Variants in SPTB observed in about 807,000 individuals in gnomAD.
SPTB encodes spectrin beta chain, erythrocytic.
In SPTB, 45 loss-of-function variants were observed where a neutral mutation model predicts 256.2. That is an observed-to-expected ratio of 0.18 (90% CI 0.14 to 0.23). The LOEUF (loss-of-function observed/expected upper bound fraction) is 0.23, where lower values mean the gene tolerates loss of function less well. SPTB is among the 10% of genes least tolerant of loss of function. The pLI, the probability that SPTB is intolerant of heterozygous loss-of-function variation, is 1.00. For missense variants in SPTB, 2,715 were observed against 3,040.4 expected (o/e 0.89, Z 2.52); for synonymous variants, 1,231 against 1,243.1 (o/e 0.99, Z 0.21).
In SPTB at chr14:64,769,724, C is replaced by T. The variant is rs754243214; in HGVS notation, c.5803G>A (p.Val1935Ile). ...TTCATGAGCAGTTCCACAGAGGAGA[C>T]ATCCCTGGGGGACAGGAGGACAAGG... Reference protein sequence around the residue: ...QIETQERPRDVSSVELLMKYH... With the variant: ...QIETQERPRDISSVELLMKYH... Residue 1935 changes from valine (V) to isoleucine (I), a missense_variant, in exon 28 of 36, where the codon GTC becomes ATC. Physicochemically the swap from Val to Ile is conservative, Grantham distance 29 (BLOSUM62 3). Transcript: ENST00000644917. 9.3e-6 allele frequency: 15 copies of T among 1,614,094 alleles called. No homozygotes were observed. Among genetic ancestry groups the T allele is most frequent in the African/African-American group, 1.3e-5 (1 of 74,938 alleles).
At position 64,786,819 on chromosome 14, in the gene SPTB, G is replaced by A; in HGVS notation, c.3146C>T (p.Ser1049Phe). The A allele has an allele frequency of 1.2e-6, 2 of 1,613,938 alleles. No homozygotes were observed. The highest frequency in any genetic ancestry group is 2.2e-5 in the South Asian group (2 of 91,084). ...LEELWQGLQQ[S>F]LQGQEDLLGE... ...CAGCAAGTCCTCCTGGCCCTGCAGGGATTGCTGCAGGCCCTGCCACAGCTC... is the reference window on the plus strand; with the variant it reads ...CAGCAAGTCCTCCTGGCCCTGCAGGAATTGCTGCAGGCCCTGCCACAGCTC... The change falls in exon 16 of 36, where the codon TCC (serine) becomes TTC (phenylalanine). Residue 1049 changes from serine to phenylalanine, a missense_variant. This residue lies in a region of SPTB where 2,239 missense variants were observed against 2,384.4 expected (regional missense o/e 0.94). Transcript: ENST00000644917. The surrounding 1 kb of genome is among the most constrained non-coding windows in gnomAD (Gnocchi z 5.6).
rs2082560035 is a variant in SPTB at position 64,786,025 on chromosome 14, C to A, written c.3562-74G>T. ...GATGAGCACACCTCCCAAGTGGGAG[C>A]ACCACGTGCAGCCACACAGGCCACG... is the stretch of plus-strand genomic sequence containing the variant. On this transcript the variant is annotated intron_variant, in intron 16 of 35. Transcript: ENST00000644917. This position sits in a 1 kb window ranked among gnomAD's most constrained non-coding sequence, Gnocchi z 5.6. 1 of 1,492,092 alleles carries A rather than the reference C, an allele frequency of 6.7e-7. No homozygotes were observed. Among genetic ancestry groups the A allele is most frequent in the Non-Finnish European group, 9.3e-7 (1 of 1,077,896 alleles). The allele number at this position is 1,492,092 out of a possible 1,614,324, so 92.4% of individuals were successfully genotyped here.
rs865875005 is a variant in SPTB, at chr14:64,777,940, C to T, written c.4563+1217G>A. 3.3e-5 allele frequency among the ~76,000 whole-genome samples: 5 copies of T among 152,094 alleles called. No individual in the cohort carries two copies. In the South Asian group the frequency reaches 8.3e-4, roughly 25 times the overall value. ...GCCAGGGGAGTTAAAAACCTTTGAA[C>T]AATAACACTTACAGAGGCTGCATAG... On this transcript the variant is annotated intron_variant, in intron 22 of 35. Transcript: ENST00000644917. The surrounding 1 kb of genome is among the most constrained non-coding windows in gnomAD (Gnocchi z 4.5).
rs754260970 is a variant in SPTB at position 64,779,803 on chromosome 14, T to G, written c.4395A>C (p.Glu1465Asp). The G allele has an allele frequency of 6.2e-7, 1 of 1,613,922 alleles. No homozygotes were observed. Among genetic ancestry groups the G allele is most frequent in the Non-Finnish European group, 8.5e-7 (1 of 1,179,966 alleles). The change falls in exon 21 of 36, where the codon GAA (glutamate) becomes GAC (aspartate). Residue 1465 changes from glutamate (E) to aspartate (D), a missense_variant. By Grantham distance (45) the Glu-to-Asp change is conservative. Transcript: ENST00000644917. This position sits in a 1 kb window ranked among gnomAD's most constrained non-coding sequence, Gnocchi z 4.2. ...SIEKRFLDLL[E>D]PLGRRKKQLE... is the part of the protein sequence containing the mutation. ...GCTGCTTCTTCCTCCTTCCTAGGGG[T>G]TCCAGGAGGTCCAGGAACCGCTTCT... is the stretch of plus-strand genomic sequence containing the variant.
At chr14:64,804,881 GC>G in intron 3 of SPTB, 57 bp downstream of exon 3, 4 of 1,608,938 alleles carry the variant, frequency 2.5e-6, no homozygotes, top group Non-Finnish European at 3.4e-6. Context: ...CCCAAACCAT[GC>G]CTTTGCTGAA....
chr14:64,814,365 A>G (rs1212491065), intron 2 of SPTB, among the ~76,000 whole-genome samples: 5 of 152,236 alleles, frequency 3.3e-5, no homozygotes, highest in Non-Finnish European at 5.9e-5. Flanking sequence ...AGACCTATAC[A>G]GTCATACATC....
chr14:64,769,904 G>A (rs2082253114), intron 27 of SPTB, among the ~76,000 whole-genome samples, 176 bp from the exon 28 acceptor site: 1 of 152,206 alleles, frequency 6.6e-6, no homozygotes, highest in African/African-American at 2.4e-5. Flanking sequence ...GAACACAGAT[G>A]CCCTGGTATC....
rs2139426909 is a variant in SPTB at position 64,752,111 on chromosome 14, C to T, written c.6602+1426G>A. Reference sequence around the variant, plus strand: ...TCTGTCTAAACAAAACAAAACAAAACAAAACACAAAAAAAGACAAATAGGG... The same window carrying T: ...TCTGTCTAAACAAAACAAAACAAAATAAAACACAAAAAAAGACAAATAGGG... On this transcript the variant is annotated intron_variant, in intron 33 of 35. Transcript: ENST00000644917. 1.5e-5 allele frequency: 18 copies of T among 1,189,990 alleles called. 1 individual carries two copies. In the South Asian group the frequency reaches 2.4e-4, roughly 16 times the overall value. The allele number at this position is 1,189,990 out of a possible 1,614,324, so 73.7% of individuals were successfully genotyped here.
rs1486851636 is a variant in SPTB at position 64,824,544 on chromosome 14, G to A, written c.-51-1399C>T. The stretch of plus-strand genomic sequence containing the variant: ...GGACTCCAAGATCAAGTCTGTAAGA[G>A]AATAGGGGACCCAGAGCCTTCACAA... On this transcript the variant is annotated intron_variant, in intron 1 of 35. Transcript: ENST00000644917. This position sits in a 1 kb window ranked among gnomAD's most constrained non-coding sequence, Gnocchi z 5.7. Among the ~76,000 whole-genome samples the A allele has an allele frequency of 6.6e-6, 1 of 152,158 alleles. No homozygotes were observed. Among genetic ancestry groups the A allele is most frequent in the Non-Finnish European group, 1.5e-5 (1 of 68,024 alleles).
At chr14:64,754,008 A>G in intron 32 of SPTB, 1 of 654,092 alleles carries the variant, frequency 1.5e-6, no homozygotes, top group Non-Finnish European at 2.7e-6. Flanking sequence ...CTCCATTTCC[A>G]CCCCATTCTC....
intron 3 of SPTB, among the ~76,000 whole-genome samples, chr14:64,804,461 C>G (rs1280368532): frequency 6.6e-6 from 1 of 152,212 alleles, no homozygotes; most frequent in African/African-American, 2.4e-5. Context: ...TTACTCTGGG[C>G]TGAGCAAAAC....
chr14:64,763,201 G>C (rs766163946), intron 32 of SPTB, among the ~76,000 whole-genome samples: 1 of 152,218 alleles, frequency 6.6e-6, no homozygotes, highest in Non-Finnish European at 1.5e-5. Flanking sequence ...GGAGGTGGGG[G>C]ATGCTCAGCA....
chr14:64,840,439 C>G (rs187556660), intron 1 of SPTB, among the ~76,000 whole-genome samples: 2 of 152,290 alleles, frequency 1.3e-5, no homozygotes, highest in Admixed American at 1.3e-4. Flanking sequence ...TTTATAAATA[C>G]TAAAAAAGCA....
chr14:64,872,413 A>G (rs548672567), intron 1 of SPTB, among the ~76,000 whole-genome samples: 2 of 152,250 alleles, frequency 1.3e-5, no homozygotes, highest in South Asian at 4.2e-4. Context: ...CCCACAATCA[A>G]TCCTCCTTAG....
At chr14:64,818,312 G>C (rs1446141401) in intron 2 of SPTB, among the ~76,000 whole-genome samples, 1 of 152,238 alleles carries the variant, frequency 6.6e-6, no homozygotes, top group Non-Finnish European at 1.5e-5. Context: ...ACTGCGAGAT[G>C]CCTCTGTGAG....
chr14:64,811,261 CAA>C (rs2083084541), intron 2 of SPTB, among the ~76,000 whole-genome samples: 1 of 152,074 alleles, frequency 6.6e-6, no homozygotes, highest in Non-Finnish European at 1.5e-5. Flanking sequence ...GTAATGTGAA[CAA>C]AGAGTTAACA....
intron 32 of SPTB, among the ~76,000 whole-genome samples, chr14:64,757,847 T>C (rs2082037112): frequency 6.6e-6 from 1 of 152,190 alleles, no homozygotes; most frequent in Non-Finnish European, 1.5e-5. Context: ...TAGAAGGCCC[T>C]GTGAGCAGAG....
rs2082393765 is a variant in SPTB, at chr14:64,778,109, T to G, written c.4563+1048A>C. ...TAACTGAGGCTAGATTTCTATCATC[T>G]TCTAGCCCAGGTCCCTGCGTGTGGC... On this transcript the variant is annotated intron_variant, in intron 22 of 35. Coordinates refer to ENST00000644917, the MANE Select transcript of SPTB (RefSeq NM_001355436.2). The surrounding 1 kb of genome is among the most constrained non-coding windows in gnomAD (Gnocchi z 5.2). Among the ~76,000 whole-genome samples the G allele has an allele frequency of 6.6e-6, 1 of 152,228 alleles. No homozygotes were observed. The highest frequency in any genetic ancestry group is 2.4e-5 in the African/African-American group (1 of 41,462).
intron 2 of SPTB, among the ~76,000 whole-genome samples, chr14:64,813,519 T>C (rs1305341041): frequency 1.3e-5 from 2 of 151,272 alleles, no homozygotes; most frequent in South Asian, 2.1e-4. Flanking sequence ...GTTGTTGTTG[T>C]TTTCTGTTTG....
Sources: allele counts gnomAD v4.1 joint callset (sites outside exome capture counted in the v4.1 genomes callset), GRCh38; gene constraint gnomAD v4.1.1; regional missense constraint gnomAD v4.1.1; non-coding constraint Gnocchi (gnomAD v3.1); transcripts MANE v1.5; gene names NCBI Gene and HGNC (gene_info 2026-07-23, HGNC 2026-07-21).